Variants in GPATCH2 observed in about 807,000 individuals in gnomAD.
GPATCH2 encodes the protein G-patch domain containing 2.
In GPATCH2, 51 loss-of-function variants were observed where a neutral mutation model predicts 58.0. That is an observed-to-expected ratio of 0.88 (90% CI 0.70 to 1.11). The LOEUF is 1.11. Among genes scored for constraint, GPATCH2 ranks in the 50% most tolerant of loss-of-function variants. GPATCH2 has a pLI of 0.00. For synonymous variants in GPATCH2, 222 were observed against 218.5 expected, an observed-to-expected ratio of 1.02 and a Z score of -0.14; for missense variants, 625 against 652.2, an observed-to-expected ratio of 0.96 and a Z score of 0.45.
chr1:217,601,502 G>C (rs1344475793), intron 5 of GPATCH2, among the ~76,000 whole-genome samples: 1 of 151,868 alleles, frequency 6.6e-6, no homozygotes, highest in African/African-American at 2.4e-5. Flanking sequence ...GCTATTCGCA[G>C]GCCTATCCAT....
At chr1:217,442,858 T>C (rs1659209826) in intron 9 of GPATCH2, among the ~76,000 whole-genome samples, 1 of 152,174 alleles carries the variant, frequency 6.6e-6, no homozygotes, top group Non-Finnish European at 1.5e-5. Context: ...TATACCTAGA[T>C]TTATTTTTAC....
intron 5 of GPATCH2, among the ~76,000 whole-genome samples, chr1:217,582,790 CTGATT>C (rs1473311993): frequency 2.0e-5 from 3 of 152,152 alleles, no homozygotes; most frequent in African/African-American, 7.2e-5. Flanking sequence ...ATTTGAATAT[CTGATT>C]TGATTTCTTA....
At chr1:217,548,136 C>T (rs556622824) in intron 5 of GPATCH2, among the ~76,000 whole-genome samples, 1 of 152,202 alleles carries the variant, frequency 6.6e-6, no homozygotes, top group African/African-American at 2.4e-5. Flanking sequence ...AGTGTGAAAA[C>T]GGACTAATAC....
At chr1:217,623,736 T>C (rs1023769358) in intron 1 of GPATCH2, among the ~76,000 whole-genome samples, 1 of 151,914 alleles carries the variant, frequency 6.6e-6, no homozygotes, top group Non-Finnish European at 1.5e-5. Flanking sequence ...ACCCCATCCC[T>C]ACTAAGAATA....
At chr1:217,456,016 C>T (rs151124164) in intron 8 of GPATCH2, among the ~76,000 whole-genome samples, 8 of 152,164 alleles carry the variant, frequency 5.3e-5, no homozygotes, top group East Asian at 2.0e-4. Flanking sequence ...CTTCCCACTC[C>T]GTCCCCTTCC....
intron 9 of GPATCH2, 140 bp downstream of exon 9, chr1:217,449,109 C>A: frequency 1.6e-6 from 1 of 633,068 alleles, no homozygotes; most frequent in Non-Finnish European, 2.8e-6. Context: ...CCTGATACCA[C>A]ATGCAAATGA....
chr1:217,505,678 G>A (rs1226470492), intron 6 of GPATCH2, among the ~76,000 whole-genome samples: 1 of 152,168 alleles, frequency 6.6e-6, no homozygotes, highest in Non-Finnish European at 1.5e-5. Flanking sequence ...TTAGAGATAA[G>A]TTTCTGTTTT....
intron 6 of GPATCH2, among the ~76,000 whole-genome samples, chr1:217,503,574 A>G (rs537040594): frequency 3.9e-5 from 6 of 152,262 alleles, no homozygotes; most frequent in Admixed American, 1.3e-4. Flanking sequence ...GTATATTTGG[A>G]TAAGTTTATC....
At chr1:217,533,295 A>G (rs896689765) in intron 5 of GPATCH2, among the ~76,000 whole-genome samples, 1 of 152,146 alleles carries the variant, frequency 6.6e-6, no homozygotes, top group Non-Finnish European at 1.5e-5. Context: ...TATGCGGATT[A>G]TATCTATTGA....
intron 5 of GPATCH2, among the ~76,000 whole-genome samples, chr1:217,535,777 GAAC>G (rs1664430235): frequency 6.6e-6 from 1 of 152,070 alleles, no homozygotes; most frequent in Admixed American, 6.5e-5. Context: ...GGTTTTACGA[GAAC>G]AACCCCCAGT....
Position 217,431,132 on chromosome 1 carries a change from T to C in GPATCH2, c.*13A>G. 8.4e-7 allele frequency: 1 copy of C among 1,194,028 alleles called. No homozygotes were observed. Among genetic ancestry groups the C allele is most frequent in the East Asian group, 2.3e-5 (1 of 43,048 alleles). 74.0% of individuals were successfully genotyped at this position (1,194,028 alleles called of 1,614,324 possible). A position where few individuals can be genotyped will look rare whatever the true frequency, so the allele number is the denominator to read the frequency against. Reference sequence around the variant, plus strand: ...GTGAATAAAGTCTGTAAAACATTTCTTCTTTGCTTTTCTTAGGCGGATTTT... The same window carrying C: ...GTGAATAAAGTCTGTAAAACATTTCCTCTTTGCTTTTCTTAGGCGGATTTT... On this transcript the variant is annotated 3_prime_UTR_variant, in exon 10 of 10. Transcript: ENST00000366935.
intron 5 of GPATCH2, among the ~76,000 whole-genome samples, chr1:217,587,267 A>G (rs1281888025): frequency 1.3e-5 from 2 of 152,222 alleles, no homozygotes; most frequent in African/African-American, 4.8e-5. Context: ...TTTATCTGCA[A>G]AAGTTCTACT....
At chr1:217,510,897 A>G (rs1053058514) in intron 6 of GPATCH2, among the ~76,000 whole-genome samples, 1 of 152,128 alleles carries the variant, frequency 6.6e-6, no homozygotes, top group Non-Finnish European at 1.5e-5. Context: ...GTTTGAGACC[A>G]GCCTGGCCAA....
chr1:217,458,102 C>A (rs1220037738), intron 8 of GPATCH2, among the ~76,000 whole-genome samples: 1 of 151,754 alleles, frequency 6.6e-6, no homozygotes, highest in Non-Finnish European at 1.5e-5. Context: ...TGGTCGCGGG[C>A]GCCTGTAGTC....
rs143597618 is a variant in GPATCH2 at position 217,532,346 on chromosome 1, G to A, written c.1099-17457C>T. On this transcript the variant is annotated intron_variant, in intron 5 of 9. Transcript: ENST00000366935. ...TATCTCAATCTTACAAATGAGGCTCGGAGAGATTAAAACAACTTACCTAAG... is the reference window on the plus strand; with the variant it reads ...TATCTCAATCTTACAAATGAGGCTCAGAGAGATTAAAACAACTTACCTAAG... Among the ~76,000 whole-genome samples the A allele has an allele frequency of 9.5e-4, 145 of 152,164 alleles. 1 individual carries two copies. The highest frequency in any genetic ancestry group is 3.1e-3 in the African/African-American group (130 of 41,512).
rs1460338204 is a variant in GPATCH2, at chr1:217,620,518, G to A, written c.57-19C>T. The stretch of plus-strand genomic sequence containing the variant: ...GAAATGCCTTCATTTTTTAGAGAAA[G>A]AAAAAAGAAAATAGTCAGTCTTAAC... On this transcript the variant is annotated intron_variant, in intron 1 of 9. Coordinates refer to ENST00000366935, the MANE Select transcript of GPATCH2 (RefSeq NM_018040.5). 4.1e-6 allele frequency: 6 copies of A among 1,447,464 alleles called. No homozygotes were observed. In the Admixed American group the frequency reaches 5.9e-5, roughly 14 times the overall value. The allele number at this position is 1,447,464 out of a possible 1,614,324, so 89.7% of individuals were successfully genotyped here.
chr1:217,454,617 CT>C (rs907849181), intron 8 of GPATCH2, among the ~76,000 whole-genome samples: 6 of 142,602 alleles, frequency 4.2e-5, no homozygotes, highest in Admixed American at 7.0e-5. Context: ...AAAACCTTTC[CT>C]TTTTTTTTCC....
chr1:217,508,565 G>A (rs1662679839), intron 6 of GPATCH2, among the ~76,000 whole-genome samples: 2 of 151,974 alleles, frequency 1.3e-5, no homozygotes, highest in Non-Finnish European at 2.9e-5. Flanking sequence ...GAAAAAGAAA[G>A]GAAAACTTTC....
intron 5 of GPATCH2, among the ~76,000 whole-genome samples, chr1:217,596,739 C>G (rs1401813029): frequency 6.6e-6 from 1 of 151,990 alleles, no homozygotes; most frequent in Non-Finnish European, 1.5e-5. Flanking sequence ...GTGTAAAAAG[C>G]AAGGTTAAAG....
Sources: allele counts gnomAD v4.1 joint callset (sites outside exome capture counted in the v4.1 genomes callset), GRCh38; gene constraint gnomAD v4.1.1; transcripts MANE v1.5; gene names NCBI Gene and HGNC (gene_info 2026-07-23, HGNC 2026-07-21).